The following KIR2DL4 variants were observed in gnomAD, a reference collection of about 807,000 sequenced individuals.
The protein encoded by KIR2DL4 is killer cell immunoglobulin-like receptor 2DL4.
KIR2DL4 carries 41 observed loss-of-function variants against 31.0 expected under a neutral mutation model. The observed-to-expected ratio is 1.32, with a 90% CI of 1.03 to 1.72. KIR2DL4 has a LOEUF of 1.72. Among genes scored for constraint, KIR2DL4 ranks in the 40% most tolerant of loss-of-function variants. The pLI, the probability that KIR2DL4 is intolerant of heterozygous loss-of-function variation, is 0.00. For synonymous variants in KIR2DL4, 164 were observed against 133.6 expected (o/e 1.23, Z -1.57); for missense variants, 438 against 353.7 (o/e 1.24, Z -1.91).
At chr19:54,813,785 G>C (rs653140) in intron 7 of KIR2DL4, 43 bp downstream of exon 6, 866,397 of 1,609,242 alleles carry the variant, frequency 0.54, 242,819 homozygotes, top group East Asian at 0.81. Context: ...GTCTTATTCC[G>C]AAATAGTCCT....
rs539671377 is a variant in KIR2DL4, at chr19:54,805,959, G to A, written c.370G>A (p.Glu124Lys). Residue 124 changes from glutamate (E) to lysine (K), a missense_variant, in exon 4 of 8, where the codon GAG (glutamate) becomes AAG (lysine). Transcript: ENST00000359085. ...GCCTCTTCTCCTTCCAGGTCTATAT[G>A]AGAAACCTTCGCTTACAGCCCGGCC... 302 of 1,606,384 alleles carry A rather than the reference G, an allele frequency of 1.9e-4. 4 individuals are homozygous for A. The Middle Eastern group carries it at 2.5e-3, about 13-fold the overall frequency.
intron 5 of KIR2DL4, among the ~76,000 whole-genome samples, chr19:54,810,085 C>A (rs1192696378): frequency 1.7e-4 from 25 of 149,152 alleles, no homozygotes; most frequent in African/African-American, 6.3e-4. Context: ...AATGAATGAT[C>A]CATTGGGAAG....
intron 6 of KIR2DL4, 87 bp from the exon 6 acceptor site, chr19:54,813,603 G>A (rs1294441376): frequency 1.4e-6 from 2 of 1,390,430 alleles, no homozygotes; most frequent in African/African-American, 2.9e-5. Context: ...GGCACCTATG[G>A]CCTCCCCCTG....
chr19:54,812,240 C>T (rs111786607), intron 5 of KIR2DL4, among the ~76,000 whole-genome samples: 4 of 151,190 alleles, frequency 2.6e-5, no homozygotes, highest in African/African-American at 4.9e-5. Context: ...AGATAAGCAG[C>T]GAGTGACAAC....
At position 54,813,296 on chromosome 19, in the gene KIR2DL4, G is replaced by A. The variant is rs761602169; in HGVS notation, c.810+68G>A. The A allele has an allele frequency of 8.8e-6, 14 of 1,592,012 alleles. 1 individual carries two copies. The South Asian group carries it at 1.2e-4, about 14-fold the overall frequency. ...GCGGAAGCAGGATGGGAGCACGCAG[G>A]TGTGTGTTCCTCACTGGCAGGAAAG... On this transcript the variant is annotated intron_variant, in intron 6 of 7. Transcript: ENST00000359085.
At chr19:54,808,811 T>C in intron 4 of KIR2DL4, 22 bp from the exon 5 acceptor site, 2 of 1,534,246 alleles carry the variant, frequency 1.3e-6, no homozygotes, top group Non-Finnish European at 1.8e-6. Context: ...TTGCCACACC[T>C]CTCTCCTGTC....
At chr19:54,804,870 C>A in exon 3 of KIR2DL4, 1 of 1,612,358 alleles carries the variant, frequency 6.2e-7, no homozygotes, top group Non-Finnish European at 8.5e-7. Context: ...TCTTCGGTGT[C>A]ACTATCGTCG....
chr19:54,811,354 C>T (rs748117006), intron 5 of KIR2DL4, among the ~76,000 whole-genome samples: 10 of 151,050 alleles, frequency 6.6e-5, no homozygotes, highest in Non-Finnish European at 1.0e-4. Flanking sequence ...GCCAAGATCG[C>T]GTCATTGCAC....
At chr19:54,806,103 C>T (rs2060507362) in exon 4 of KIR2DL4, 5 of 1,612,118 alleles carry the variant, frequency 3.1e-6, no homozygotes, top group Non-Finnish European at 4.2e-6. Flanking sequence ...CCCTGCAGTG[C>T]CCAGCATCAA....
exon 7 of KIR2DL4, chr19:54,813,735 A>G: frequency 1.2e-6 from 2 of 1,611,880 alleles, no homozygotes; most frequent in Non-Finnish European, 1.7e-6. Flanking sequence ...AGAACAGTGA[A>G]CAGGGAGGTA....
intron 5 of KIR2DL4, among the ~76,000 whole-genome samples, chr19:54,811,325 G>A (rs1217679137): frequency 6.6e-6 from 1 of 151,218 alleles, no homozygotes; most frequent in Non-Finnish European, 1.5e-5. Context: ...TTCAACCAGG[G>A]AGGGAGAGGT....
At position 54,803,889 on chromosome 19, in the gene KIR2DL4, A is replaced by C; in HGVS notation, c.41-2A>C. ...ATAGTTCATCATGATCTTTCTTTGC[A>C]GGGTTCTTCTTGGACCAGAGTGTGT... On this transcript the variant is annotated splice_acceptor_variant, in intron 1 of 7. Transcript: ENST00000359085. LOFTEE classifies it high-confidence loss of function. 1 of 1,609,902 alleles carries C rather than the reference A, an allele frequency of 6.2e-7. No homozygotes were observed. The highest frequency in any genetic ancestry group is 8.5e-7 in the Non-Finnish European group (1 of 1,178,642).
rs748888663 is a variant in KIR2DL4 at position 54,803,893 on chromosome 19, T to A, written c.43T>A (p.Phe15Ile). ...TTCATCATGATCTTTCTTTGCAGGG[T>A]TCTTCTTGGACCAGAGTGTGTGGGC... The change falls in exon 2 of 8, where the codon TTC (phenylalanine) becomes ATC (isoleucine). Residue 15 changes from phenylalanine (F) to isoleucine (I), a missense_variant and splice_region_variant. Phe to Ile is a conservative substitution (Grantham distance 21, BLOSUM62 0). Coordinates refer to ENST00000359085, the Ensembl canonical transcript of KIR2DL4. 3.1e-6 allele frequency: 5 copies of A among 1,609,652 alleles called. No homozygotes were observed. The East Asian group carries it at 8.9e-5, about 29-fold the overall frequency.
At chr19:54,806,079 C>T in exon 4 of KIR2DL4, 1 of 1,612,106 alleles carries the variant, frequency 6.2e-7, no homozygotes, top group Non-Finnish European at 8.5e-7. Context: ...GGGGGAAGCC[C>T]ATGAACTTAG....
chr19:54,804,077 C>T lies in KIR2DL4; in HGVS notation c.76+151C>T, dbSNP rs2060345691. ...CTCTCATGAACTAGTAAGAGGAGAT[C>T]CTGGGAGTCTCTCATGAACTAGTAA... On this transcript the variant is annotated intron_variant, in intron 2 of 7. Transcript: ENST00000359085. The T allele has an allele frequency of 2.7e-5, 21 of 784,792 alleles. No homozygotes were observed. In the South Asian group the frequency reaches 3.3e-4, roughly 12 times the overall value. 48.6% of individuals were successfully genotyped at this position (784,792 alleles called of 1,614,324 possible). A position where few individuals can be genotyped will look rare whatever the true frequency, so the allele number is the denominator to read the frequency against.
chr19:54,810,625 T>C (rs1417305397), intron 5 of KIR2DL4, among the ~76,000 whole-genome samples: 2 of 151,418 alleles, frequency 1.3e-5, no homozygotes, highest in South Asian at 2.1e-4. Context: ...GAAGAGGCTC[T>C]GCCTGAAATG....
chr19:54,807,773 C>T (rs1488580481), intron 4 of KIR2DL4, among the ~76,000 whole-genome samples: 1 of 149,032 alleles, frequency 6.7e-6, no homozygotes, highest in Non-Finnish European at 1.5e-5. Context: ...ATATTCTTCT[C>T]CTCTGTAATG....
chr19:54,807,571 G>C (rs1381648768), intron 4 of KIR2DL4, among the ~76,000 whole-genome samples: 3 of 149,738 alleles, frequency 2.0e-5, no homozygotes, highest in Non-Finnish European at 4.4e-5. Context: ...CCGAGTAGTT[G>C]GGATTACTGG....
intron 5 of KIR2DL4, among the ~76,000 whole-genome samples, chr19:54,812,666 G>A (rs2060932322): frequency 6.7e-6 from 1 of 150,258 alleles, no homozygotes; most frequent in Non-Finnish European, 1.5e-5. Context: ...GGGGTCCTGC[G>A]TGTGCAGAGA....
Sources: allele counts gnomAD v4.1 joint callset (sites outside exome capture counted in the v4.1 genomes callset), GRCh38; gene constraint gnomAD v4.1.1; transcripts MANE v1.5; gene names NCBI Gene and HGNC (gene_info 2026-07-23, HGNC 2026-07-21).